Variants in ZFYVE26 observed in about 807,000 individuals in gnomAD.
ZFYVE26 encodes zinc finger FYVE-type containing 26, also known as zinc finger FYVE domain-containing protein 26.
In ZFYVE26, 181 loss-of-function variants were observed where a neutral mutation model predicts 276.5. The ratio of observed to expected loss-of-function variants is 0.65; its 90% confidence interval spans 0.58 to 0.74. The LOEUF (loss-of-function observed/expected upper bound fraction) is 0.74, where lower values mean the gene tolerates loss of function less well. Among genes scored for constraint, ZFYVE26 ranks in the 30% least tolerant of loss-of-function variants. The probability of loss-of-function intolerance (pLI) is 0.00; values close to 1 mark genes in which losing one functional copy is unlikely to be tolerated. For synonymous variants in ZFYVE26, 1,129 were observed against 1,203.1 expected (o/e 0.94, Z 1.27); for missense variants, 2,821 against 3,097.9 (o/e 0.91, Z 2.12).
intron 15 of ZFYVE26, 63 bp downstream of exon 15, chr14:67,790,509 T>C (rs1334007026): frequency 9.6e-6 from 15 of 1,561,148 alleles, no homozygotes; most frequent in Non-Finnish European, 1.2e-5. Context: ...TTTAGTGGTT[T>C]CTCCCCTTTT....
At chr14:67,774,946 A>T in intron 27 of ZFYVE26, 70 bp downstream of exon 27, 1 of 987,492 alleles carries the variant, frequency 1.0e-6, no homozygotes, top group Non-Finnish European at 1.5e-6. Flanking sequence ...AAAAAAAAAA[A>T]ATTCTGAAGG....
At chr14:67,734,545 C>T (rs1405042600) in intron 13 of ZFYVE26, 1 of 155,604 alleles carries the variant, frequency 6.4e-6, no homozygotes, top group African/African-American at 2.4e-5. Flanking sequence ...TTCACCCTAC[C>T]CAGCCACGGG....
chr14:67,790,360 G>A (rs190274740), intron 15 of ZFYVE26, among the ~76,000 whole-genome samples: 1 of 152,338 alleles, frequency 6.6e-6, no homozygotes, highest in East Asian at 1.9e-4. Flanking sequence ...GCTTTATGCA[G>A]TAGGTTGAGT....
Position 67,798,373 on chromosome 14 carries a change from G to A in ZFYVE26, c.1889C>T (p.Ser630Leu). 1 of 1,610,146 alleles carries A rather than the reference G, an allele frequency of 6.2e-7. No homozygotes were observed. The highest frequency in any genetic ancestry group is 8.5e-7 in the Non-Finnish European group (1 of 1,177,580). The change falls in exon 11 of 42, where the codon TCA becomes TTA. Residue 630 changes from serine to leucine, a missense_variant. Physicochemically the swap from Ser to Leu is moderately radical, Grantham distance 145 (BLOSUM62 -2). Transcript: ENST00000347230. ...TGGGACTCCCAGGGAACCCCGTTCT[G>A]ACTTCCTTTCAGGATGTGCTATGTG... ...PQHIAHPERK[S>L]ERGSLGVPKT...
chr14:67,797,381 T>A, intron 12 of ZFYVE26: 2 of 438,456 alleles, frequency 4.6e-6, no homozygotes, highest in South Asian at 2.3e-5. Context: ...ATTTATAGTA[T>A]AATACATCTG....
At position 67,798,550 on chromosome 14, in the gene ZFYVE26, C is replaced by A. The variant is rs758509500; in HGVS notation, c.1712G>T (p.Cys571Phe). Residue 571 changes from cysteine to phenylalanine, a missense_variant, in exon 11 of 42, where the codon TGC becomes TTC. By Grantham distance (205) the Cys-to-Phe change is radical. Transcript: ENST00000347230. ...GAAGATGTTTTCCAGAAGCTCCAGG[C>A]ACAGAGAGTCAGGAATACTGCACAG... is the stretch of plus-strand genomic sequence containing the variant. Reference protein sequence around the residue: ...QYLCSIPDSLCLELLENIFSL... With the variant: ...QYLCSIPDSLFLELLENIFSL... 6.2e-7 allele frequency: 1 copy of A among 1,614,070 alleles called. No homozygotes were observed. The highest frequency in any genetic ancestry group is 8.5e-7 in the Non-Finnish European group (1 of 1,180,020).
At chr14:67,755,690 T>A (rs1198345939) in intron 36 of ZFYVE26, among the ~76,000 whole-genome samples, 1 of 152,198 alleles carries the variant, frequency 6.6e-6, no homozygotes, top group Non-Finnish European at 1.5e-5. Context: ...AACTACCATT[T>A]ATTTCTTTTT....
intron 8 of ZFYVE26, 140 bp from the exon 9 acceptor site, chr14:67,804,404 T>G (rs2040136670): frequency 1.8e-6 from 2 of 1,122,476 alleles, no homozygotes; most frequent in Non-Finnish European, 2.6e-6. Flanking sequence ...AAATTTTAGT[T>G]GGTTTGGGAC....
At chr14:67,755,613 C>G (rs929045352) in intron 36 of ZFYVE26, among the ~76,000 whole-genome samples, 1 of 152,230 alleles carries the variant, frequency 6.6e-6, no homozygotes, top group African/African-American at 2.4e-5. Context: ...CACATATTTT[C>G]TCTAAAAACA....
chr14:67,783,580 C>G, intron 20 of ZFYVE26, 55 bp from the exon 21 acceptor site: 1 of 1,599,580 alleles, frequency 6.3e-7, no homozygotes, highest in South Asian at 1.1e-5. Context: ...GCACCATTAA[C>G]CAGTCTTACA....
At position 67,748,536 on chromosome 14, in the gene ZFYVE26, G is replaced by A; in HGVS notation, c.7520C>T (p.Ala2507Val). Residue 2507 changes from alanine (A) to valine (V), a missense_variant, in exon 42 of 42, where the codon GCC becomes GTC. Physicochemically the swap from Ala to Val is moderately conservative, Grantham distance 64 (BLOSUM62 0). Transcript: ENST00000347230. The part of the protein sequence containing the change: ...ATALVQQVQQ[A>V]AKSSGDAVVQ... ...TACTGCATCCCCGCTGCTCTTGGCG[G>A]CCTGCTGCACCTGCTGGACAAGGGC... 1 of 1,614,150 alleles carries A rather than the reference G, an allele frequency of 6.2e-7. No homozygotes were observed. Among genetic ancestry groups the A allele is most frequent in the South Asian group, 1.1e-5 (1 of 91,084 alleles).
chr14:67,769,070 T>C (rs1404734123), intron 29 of ZFYVE26, among the ~76,000 whole-genome samples: 2 of 152,152 alleles, frequency 1.3e-5, no homozygotes, highest in African/African-American at 4.8e-5. Context: ...ACAAACAAAG[T>C]CTTGATCTGT....
chr14:67,747,229 C>G lies in ZFYVE26; in HGVS notation c.*1207G>C, dbSNP rs545023983. On this transcript the variant is annotated 3_prime_UTR_variant, in exon 42 of 42. Transcript: ENST00000347230. ...TCTTGCGTGGGAAGACAAGACAGTG[C>G]ATATTAAAGAAGCACTTCACCTAGT... 6.6e-6 allele frequency: 1 copy of G among 152,452 alleles called. No individual in the cohort carries two copies. Among genetic ancestry groups the G allele is most frequent in the East Asian group, 1.9e-4 (1 of 5,184 alleles). The allele number at this position is 152,452 out of a possible 1,614,324, so 9.4% of individuals were successfully genotyped here. A position where few individuals can be genotyped will look rare whatever the true frequency, so the allele number is the denominator to read the frequency against.
rs1334570693 is a variant in ZFYVE26, at chr14:67,739,515, T to C, written n.2680-9696A>G. 2.0e-5 allele frequency among the ~76,000 whole-genome samples: 3 copies of C among 150,936 alleles called. No homozygotes were observed. In the East Asian group the frequency reaches 6.1e-4, roughly 30 times the overall value. ...TACCATTTTTAACCTACTTTTTAAT[T>C]TTTTTTTTTACTTTTTTTTCTTACC... On this transcript the variant is annotated intron_variant and non_coding_transcript_variant, in intron 13 of 14. Coordinates refer to the ZFYVE26 transcript ENST00000394455.
rs544932478 is a variant in ZFYVE26, at chr14:67,767,727, G to A, written c.5767C>T (p.Arg1923Trp). 52 of 1,613,980 alleles carry A rather than the reference G, an allele frequency of 3.2e-5. No individual in the cohort carries two copies. The highest frequency in any genetic ancestry group is 4.5e-5 in the East Asian group (2 of 44,876). Residue 1923 changes from arginine to tryptophan, a missense_variant, in exon 31 of 42, where the codon CGG becomes TGG. Coordinates refer to ENST00000347230, the MANE Select transcript of ZFYVE26 (RefSeq NM_015346.4). ...ACCTGCTCATAGTAAAATTCACTCCGCACCAGCTCATTTTCCTCCTCTTTG... is the reference window on the plus strand; with the variant it reads ...ACCTGCTCATAGTAAAATTCACTCCACACCAGCTCATTTTCCTCCTCTTTG... ...DLKEEENELVRSEFYYEQAPS... is the reference protein window; with the variant it reads ...DLKEEENELVWSEFYYEQAPS...
rs1442361126 is a variant in ZFYVE26, at chr14:67,747,823, G to A, written c.*613C>T. The A allele has an allele frequency of 1.3e-5, 2 of 156,382 alleles. No homozygotes were observed. Among genetic ancestry groups the A allele is most frequent in the African/African-American group, 2.4e-5 (1 of 41,410 alleles). 9.7% of individuals were successfully genotyped at this position (156,382 alleles called of 1,614,324 possible). ...CCTTCCAAAGACTCCAGGACTTCTT[G>A]TGCTTGGGAGAAGAGACACCTGGAA... On this transcript the variant is annotated 3_prime_UTR_variant, in exon 42 of 42. Coordinates refer to ENST00000347230, the MANE Select transcript of ZFYVE26 (RefSeq NM_015346.4).
intron 3 of ZFYVE26, 80 bp downstream of exon 3, chr14:67,813,906 A>G: frequency 1.0e-6 from 1 of 999,552 alleles, no homozygotes. Flanking sequence ...GAAGTAACAG[A>G]CAGAAGGGAA....
At chr14:67,816,508 C>T (rs955577753) in intron 1 of ZFYVE26, 26 bp downstream of exon 1, 24 of 154,058 alleles carry the variant, frequency 1.6e-4, no homozygotes, top group Non-Finnish European at 3.3e-4. Context: ...AGGGGCCCCT[C>T]CCTCTCAGGG....
At chr14:67,774,036 C>T (rs753053872) in intron 27 of ZFYVE26, among the ~76,000 whole-genome samples, 1 of 152,078 alleles carries the variant, frequency 6.6e-6, no homozygotes, top group Non-Finnish European at 1.5e-5. Flanking sequence ...ACGGTCAAGG[C>T]TCATTAATAC....
Sources: allele counts gnomAD v4.1 joint callset (sites outside exome capture counted in the v4.1 genomes callset), GRCh38; gene constraint gnomAD v4.1.1; transcripts MANE v1.5; gene names NCBI Gene and HGNC (gene_info 2026-07-23, HGNC 2026-07-21).